The following PDE8B variants were observed in gnomAD, a reference collection of about 807,000 sequenced individuals.
PDE8B encodes the protein high affinity cAMP-specific and IBMX-insensitive 3',5'-cyclic phosphodiesterase 8B.
In PDE8B, 26 loss-of-function variants were observed where a neutral mutation model predicts 101.3. The ratio of observed to expected loss-of-function variants is 0.26; its 90% CI spans 0.19 to 0.36. The LOEUF is 0.36. PDE8B is among the 10% of genes least tolerant of loss of function. The pLI is 1.00. For synonymous variants in PDE8B, 424 were observed against 429.3 expected (o/e 0.99, Z 0.15); for missense variants, 810 against 1,163.1 (o/e 0.70, Z 4.42).
chr5:77,411,610 T>TAAA lies in PDE8B; in HGVS notation c.1531-57_1531-55dup, dbSNP rs572664482. The TAAA allele has an allele frequency of 2.2e-5, 23 of 1,060,802 alleles. No individual in the cohort carries two copies. The African/African-American group carries it at 3.0e-4, about 14-fold the overall frequency. The allele number at this position is 1,060,802 out of a possible 1,614,324, so 65.7% of individuals were successfully genotyped here. On this transcript the variant is annotated intron_variant, in intron 14 of 21. Transcript: ENST00000264917. ...GGATTCAAATCTCTTTCACTAATAA[T>TAAA]AAAAAAAAAAAGAGAATGATAATAG...
the PDE8B span, among the ~76,000 whole-genome samples, chr5:77,107,259 C>T: frequency 6.6e-6 from 1 of 152,138 alleles, no homozygotes; most frequent in East Asian, 1.9e-4. Flanking sequence ...GCATAGTATT[C>T]CTTGGTGTGT....
At chr5:77,176,719 A>G in the PDE8B span, among the ~76,000 whole-genome samples, 226 of 152,318 alleles carry the variant, frequency 1.5e-3, no homozygotes, top group Non-Finnish European at 2.7e-3. Flanking sequence ...AAGGGAGAAG[A>G]AGGAAAGCCA....
upstream of PDE8B, among the ~76,000 whole-genome samples, chr5:77,209,925 G>A (rs1160389972): frequency 6.6e-6 from 1 of 152,178 alleles, no homozygotes; most frequent in Non-Finnish European, 1.5e-5. Flanking sequence ...ACTTCCAAAC[G>A]ATGAGTAGAC....
chr5:77,219,332 T>C (rs914059912), intron 1 of PDE8B, among the ~76,000 whole-genome samples: 23 of 152,210 alleles, frequency 1.5e-4, no homozygotes, highest in Admixed American at 2.0e-4. Context: ...TAGGAAGATG[T>C]AATGATTAGC....
At chr5:77,280,954 C>T (rs1764856022) in intron 1 of PDE8B, among the ~76,000 whole-genome samples, 1 of 152,214 alleles carries the variant, frequency 6.6e-6, no homozygotes, top group Non-Finnish European at 1.5e-5. Flanking sequence ...CACCAGTGCA[C>T]AGACTGCCGG....
intron 6 of PDE8B, among the ~76,000 whole-genome samples, chr5:77,340,843 T>C (rs761409695): frequency 6.6e-6 from 1 of 152,140 alleles, no homozygotes; most frequent in Non-Finnish European, 1.5e-5. Flanking sequence ...CACTATATTA[T>C]TTATAGACTT....
chr5:77,200,304 T>C, the PDE8B span, among the ~76,000 whole-genome samples: 37 of 152,186 alleles, frequency 2.4e-4, no homozygotes, highest in African/African-American at 8.0e-4. Flanking sequence ...TTTTCAGAAA[T>C]GGCAACCTTT....
chr5:77,132,784 T>A, the PDE8B span, among the ~76,000 whole-genome samples: 1 of 152,232 alleles, frequency 6.6e-6, no homozygotes, highest in Admixed American at 6.5e-5. Flanking sequence ...TTGGTGGTTC[T>A]TATTCTCTAG....
At chr5:77,286,816 CT>C (rs1766112942) in intron 1 of PDE8B, among the ~76,000 whole-genome samples, 1 of 152,130 alleles carries the variant, frequency 6.6e-6, no homozygotes, top group South Asian at 2.1e-4. Flanking sequence ...ATTTCCTCCC[CT>C]TTTAGCTTAT....
chr5:77,356,903 G>A (rs750727722), intron 10 of PDE8B, among the ~76,000 whole-genome samples: 10 of 152,130 alleles, frequency 6.6e-5, no homozygotes, highest in Non-Finnish European at 1.0e-4. Context: ...TGCAGGTGAC[G>A]GGATGCTAAT....
At chr5:77,259,055 C>G (rs942255733) in intron 1 of PDE8B, among the ~76,000 whole-genome samples, 1 of 107,616 alleles carries the variant, frequency 9.3e-6, no homozygotes, top group Non-Finnish European at 2.0e-5. Context: ...CACAGACACA[C>G]ACACACACAC....
At position 77,290,321 on chromosome 5, in the gene PDE8B, G is replaced by A. The variant is rs1382903972; in HGVS notation, c.340-21673G>A. 1.2e-5 allele frequency: 18 copies of A among 1,514,824 alleles called. No homozygotes were observed. The South Asian group carries it at 1.4e-4, about 11-fold the overall frequency. The allele number at this position is 1,514,824 out of a possible 1,614,324, so 93.8% of individuals were successfully genotyped here. ...AGTATGCATGGCTGAAAGAGGTGGG[G>A]CTCCGAGAGGAAAATGAGGGCGTGT... On this transcript the variant is annotated intron_variant, in intron 1 of 21. Coordinates refer to ENST00000264917, the MANE Select transcript of PDE8B (RefSeq NM_003719.5).
At chr5:77,186,649 AC>A in the PDE8B span, among the ~76,000 whole-genome samples, 1 of 152,128 alleles carries the variant, frequency 6.6e-6, no homozygotes, top group Non-Finnish European at 1.5e-5. Context: ...GATTCCTGAG[AC>A]TGCATTAGGA....
chr5:77,323,869 G>A (rs1222172967), intron 2 of PDE8B, among the ~76,000 whole-genome samples: 1 of 152,158 alleles, frequency 6.6e-6, no homozygotes, highest in Admixed American at 6.5e-5. Flanking sequence ...TGAGGCAGGA[G>A]AATCACTTGA....
intron 10 of PDE8B, among the ~76,000 whole-genome samples, chr5:77,374,466 C>T (rs143280740): frequency 1.3e-5 from 2 of 151,664 alleles, no homozygotes; most frequent in East Asian, 1.9e-4. Flanking sequence ...ATTATTTGAA[C>T]GATTTTTAAA....
chr5:77,151,791 G>A, the PDE8B span: 1 of 152,108 alleles, frequency 6.6e-6, no homozygotes, highest in Non-Finnish European at 1.5e-5. Context: ...GAAGGCTTAG[G>A]GACTGGTTTG....
chr5:77,102,627 G>C, the PDE8B span, among the ~76,000 whole-genome samples: 1 of 152,296 alleles, frequency 6.6e-6, no homozygotes, highest in South Asian at 2.1e-4. Context: ...GACAGAAGCA[G>C]CCCACAGGGC....
chr5:77,320,126 C>T (rs943373125), intron 2 of PDE8B, among the ~76,000 whole-genome samples: 2 of 152,022 alleles, frequency 1.3e-5, no homozygotes, highest in African/African-American at 4.8e-5. Context: ...GATAGCTTTA[C>T]ATGGTCATTT....
At chr5:77,419,074 C>T (rs1796130579) in intron 18 of PDE8B, among the ~76,000 whole-genome samples, 1 of 152,188 alleles carries the variant, frequency 6.6e-6, no homozygotes, top group Non-Finnish European at 1.5e-5. Context: ...TTGGTTTGGT[C>T]TCCAGAAAAC....
Sources: gnomAD v4.1 joint callset for allele counts (sites outside exome capture counted in the v4.1 genomes callset) on GRCh38, gnomAD v4.1.1 for gene constraint, MANE v1.5 for transcripts, NCBI Gene and HGNC (gene_info 2026-07-23, HGNC 2026-07-21) for gene names.